PRKCZ: variants seen among roughly 807,000 people sequenced by gnomAD.
PRKCZ encodes the protein protein kinase C zeta type.
A neutral mutation model predicts 79.5 loss-of-function variants in PRKCZ; 33 were observed. That is an observed-to-expected ratio of 0.41 (90% CI 0.31 to 0.55). The LOEUF is 0.55. PRKCZ is among the 20% of genes least tolerant of loss of function. The pLI is 0.19. For missense variants in PRKCZ, 578 were observed against 813.5 expected, an observed-to-expected ratio of 0.71 and a Z score of 3.52; for synonymous variants, 342 against 320.9, an observed-to-expected ratio of 1.07 and a Z score of -0.70.
In PRKCZ at chr1:2,079,856, G is replaced by T. The variant is rs1571216536; in HGVS notation, c.334+20265G>T. Among the ~76,000 whole-genome samples the T allele has an allele frequency of 2.0e-5, 3 of 152,334 alleles. No homozygotes were observed. The South Asian group carries it at 6.2e-4, about 32-fold the overall frequency. ...ACTCGTGGGGCACCACAGAGCTGGT[G>T]GTGGCGGAAGTCCCCAGGGGAGTGT... On this transcript the variant is annotated intron_variant, in intron 4 of 17. Transcript: ENST00000378567.
Position 2,185,270 on chromosome 1 carries a change from G to T in PRKCZ, c.*261G>T. 1.4e-6 allele frequency: 1 copy of T among 716,322 alleles called. No homozygotes were observed. The highest frequency in any genetic ancestry group is 2.6e-6 in the Non-Finnish European group (1 of 383,748). 44.4% of individuals were successfully genotyped at this position (716,322 alleles called of 1,614,324 possible). On this transcript the variant is annotated 3_prime_UTR_variant, in exon 18 of 18. Coordinates refer to ENST00000378567, the MANE Select transcript of PRKCZ (RefSeq NM_002744.6). Reference sequence around the variant, plus strand: ...GGCGGATCCGCGGGGACCCTGCCGAGGGGGCTGTCATGCGGTTTCCAAGGT... The same window carrying T: ...GGCGGATCCGCGGGGACCCTGCCGATGGGGCTGTCATGCGGTTTCCAAGGT...
At chr1:2,162,419 A>C (rs1682499946) in intron 10 of PRKCZ, among the ~76,000 whole-genome samples, 1 of 152,264 alleles carries the variant, frequency 6.6e-6, no homozygotes, top group African/African-American at 2.4e-5. Flanking sequence ...GGTGTAAGCC[A>C]CTGGGCCTGG....
intron 4 of PRKCZ, among the ~76,000 whole-genome samples, chr1:2,131,832 G>A (rs933773065): frequency 6.6e-6 from 1 of 152,190 alleles, no homozygotes; most frequent in Non-Finnish European, 1.5e-5. Flanking sequence ...TTTTGTTTTT[G>A]AGAGAGTCTC....
intron 9 of PRKCZ, among the ~76,000 whole-genome samples, chr1:2,153,097 G>A (rs1319265895): frequency 1.3e-5 from 2 of 152,190 alleles, no homozygotes; most frequent in East Asian, 1.9e-4. Context: ...TCACCTCCCC[G>A]CCAACACCAC....
At chr1:2,097,302 T>A (rs1002793900) in intron 4 of PRKCZ, among the ~76,000 whole-genome samples, 10 of 152,082 alleles carry the variant, frequency 6.6e-5, no homozygotes, top group Admixed American at 1.3e-4. Flanking sequence ...ATATTCCGAG[T>A]GTGACCAAGA....
chr1:2,050,628 GCCATGC>G lies in PRKCZ; in HGVS notation c.2_7del (p.MetPro1_?2). 1 of 1,224,156 alleles carries G rather than the reference GCCATGC, an allele frequency of 8.2e-7. No homozygotes were observed. Among genetic ancestry groups the G allele is most frequent in the South Asian group, 4.1e-5 (1 of 24,282 alleles). 75.8% of individuals were successfully genotyped at this position (1,224,156 alleles called of 1,614,324 possible). A position where few individuals can be genotyped will look rare whatever the true frequency, so the allele number is the denominator to read the frequency against. ...GCGCTGACGGCGGCGGGGGGAGCGC[GCCATGC>G]CCAGCAGGACCGGCCCCAAGATGGA... On this transcript the variant is annotated start_lost and 5_prime_UTR_variant, in exon 1 of 18. Transcript: ENST00000378567.
At chr1:2,073,710 T>C in intron 4 of PRKCZ, 2 of 999,260 alleles carry the variant, frequency 2.0e-6, no homozygotes, top group East Asian at 1.1e-4. Context: ...CACCCGGGCC[T>C]GGAGACATGA....
chr1:2,048,620 A>T (rs1659420263), upstream of PRKCZ, among the ~76,000 whole-genome samples: 1 of 151,862 alleles, frequency 6.6e-6, no homozygotes, highest in South Asian at 2.1e-4. Flanking sequence ...ACCCAGAAAG[A>T]TGGAGTGGGG....
chr1:2,182,100 CGTTAGTAGATGCCAT>C (rs1273837837), intron 16 of PRKCZ: 11 of 296,238 alleles, frequency 3.7e-5, no homozygotes, highest in South Asian at 3.0e-4. Context: ...GTAGATGCCA[CGTTAGTAGATGCCAT>C]GTTAGTAGAA....
intron 4 of PRKCZ, among the ~76,000 whole-genome samples, chr1:2,118,713 CTGTG>C (rs770283606): frequency 0.01 from 1,244 of 120,718 alleles, 12 homozygotes; most frequent in South Asian, 0.028. Flanking sequence ...CACACCAGCT[CTGTG>C]TGTGTGTGTG....
chr1:2,095,945 C>T (rs542075969), intron 4 of PRKCZ, among the ~76,000 whole-genome samples: 104 of 143,152 alleles, frequency 7.3e-4, no homozygotes, highest in Middle Eastern at 3.5e-3. Flanking sequence ...CTCCTTTCCC[C>T]TCCCCTCACC....
rs1332202994 is a variant in PRKCZ, at chr1:2,137,399, A to T, written c.420+2052A>T. On this transcript the variant is annotated intron_variant, in intron 5 of 17. Transcript: ENST00000378567. ...GTCTCAGGGCAGCGCCCTCATAGAC[A>T]CACCCAGATGCAATACTTCACCAGT... Among the ~76,000 whole-genome samples the T allele has an allele frequency of 2.0e-5, 3 of 152,228 alleles. No individual in the cohort carries two copies. The South Asian group carries it at 6.2e-4, about 32-fold the overall frequency.
intron 4 of PRKCZ, among the ~76,000 whole-genome samples, chr1:2,100,669 G>A (rs1305098883): frequency 6.6e-6 from 1 of 151,364 alleles, no homozygotes; most frequent in Non-Finnish European, 1.5e-5. Context: ...AACAGGCACG[G>A]CTGGTGGTGT....
intron 5 of PRKCZ, chr1:2,143,980 G>T (rs1283384148): frequency 3.8e-6 from 2 of 529,246 alleles, no homozygotes; most frequent in Non-Finnish European, 3.3e-6. Flanking sequence ...TGCAGAGCAG[G>T]GTTCCAGGCC....
chr1:2,092,607 A>G (rs1413478453), intron 4 of PRKCZ, among the ~76,000 whole-genome samples: 1 of 152,224 alleles, frequency 6.6e-6, no homozygotes, highest in East Asian at 1.9e-4. Context: ...TAAGGTATAA[A>G]TTCATTGAGC....
chr1:2,058,210 C>G (rs1660360673), intron 3 of PRKCZ, among the ~76,000 whole-genome samples: 1 of 151,588 alleles, frequency 6.6e-6, no homozygotes, highest in African/African-American at 2.4e-5. Flanking sequence ...GCCATGTTGG[C>G]CAGGCTGTTC....
At chr1:2,051,713 G>C (rs980653189) in intron 1 of PRKCZ, among the ~76,000 whole-genome samples, 3 of 152,152 alleles carry the variant, frequency 2.0e-5, no homozygotes, top group Admixed American at 6.5e-5. Context: ...CGTCCTCTCA[G>C]GACAGTGCCC....
intron 7 of PRKCZ, among the ~76,000 whole-genome samples, chr1:2,147,742 A>T (rs371694329): frequency 0.012 from 976 of 83,254 alleles, no homozygotes; most frequent in African/African-American, 0.026. Context: ...CTCTCCATCT[A>T]TCCATCCACT....
chr1:2,129,559 G>A lies in PRKCZ; in HGVS notation c.335-5703G>A, dbSNP rs979170514. Among the ~76,000 whole-genome samples, 3 of 152,304 alleles carry A rather than the reference G, an allele frequency of 2.0e-5. 1 individual carries two copies. Among genetic ancestry groups the A allele is most frequent in the Admixed American group, 1.3e-4 (2 of 15,302 alleles). ...AAAACCAAGGAAAGGTCTGAATATC[G>A]CTTAAGGTAGCCATGGATCCTGTCT... is the stretch of plus-strand genomic sequence containing the variant. On this transcript the variant is annotated intron_variant, in intron 4 of 17. Transcript: ENST00000378567.
Sources: allele counts gnomAD v4.1 joint callset (sites outside exome capture counted in the v4.1 genomes callset), GRCh38; gene constraint gnomAD v4.1.1; transcripts MANE v1.5; gene names NCBI Gene and HGNC (gene_info 2026-07-23, HGNC 2026-07-21).